The following FAM204A variants were observed in gnomAD, a reference collection of about 807,000 sequenced individuals.
The protein encoded by FAM204A is family with sequence similarity 204 member A.
In FAM204A, 16 loss-of-function variants were observed where a neutral mutation model predicts 35.4. The observed-to-expected ratio is 0.45, with a 90% CI of 0.31 to 0.69. FAM204A has a LOEUF of 0.69. Among genes scored for constraint, FAM204A ranks in the 30% least tolerant of loss-of-function variants. The probability of loss-of-function intolerance (pLI) is 0.07; values close to 1 mark genes in which losing one functional copy is unlikely to be tolerated. For missense variants in FAM204A, 240 were observed against 265.7 expected (o/e 0.90, Z 0.67); for synonymous variants, 76 against 86.9 (o/e 0.88, Z 0.70).
Position 118,310,535 on chromosome 10 carries a change from T to C in FAM204A, c.*322A>G, listed in dbSNP as rs1251828435. 3.7e-6 allele frequency: 1 copy of C among 269,298 alleles called. No homozygotes were observed. 16.7% of individuals were successfully genotyped at this position (269,298 alleles called of 1,614,324 possible). ...GAAAGTACGAGAAGCTCACTGGCTG[T>C]GCTAAACCAAATGAATGGAAAGCGC... On this transcript the variant is annotated 3_prime_UTR_variant, in exon 9 of 9. Coordinates refer to ENST00000369183, the MANE Select transcript of FAM204A (RefSeq NM_022063.3).
chr10:118,320,214 TAA>T (rs1184570973), intron 7 of FAM204A, among the ~76,000 whole-genome samples: 1 of 151,418 alleles, frequency 6.6e-6, no homozygotes, highest in Non-Finnish European at 1.5e-5. Flanking sequence ...ACCTGTATTT[TAA>T]AATCCAAAAA....
intron 6 of FAM204A, among the ~76,000 whole-genome samples, chr10:118,326,721 C>T (rs1269316907): frequency 6.6e-6 from 1 of 152,180 alleles, no homozygotes; most frequent in Non-Finnish European, 1.5e-5. Context: ...AAAGCCATCA[C>T]ATGAATTCAG....
At chr10:118,336,079 T>C in intron 3 of FAM204A, 103 bp downstream of exon 3, 3 of 1,343,080 alleles carry the variant, frequency 2.2e-6, no homozygotes, top group Non-Finnish European at 3.0e-6. Context: ...TCTCCCTCCC[T>C]GTTAAGTCCC....
At chr10:118,312,414 G>C (rs958026776) in intron 7 of FAM204A, among the ~76,000 whole-genome samples, 1 of 152,174 alleles carries the variant, frequency 6.6e-6, no homozygotes, top group Non-Finnish European at 1.5e-5. Context: ...AGGAGGTTAA[G>C]AGCACACGTG....
intron 6 of FAM204A, among the ~76,000 whole-genome samples, chr10:118,334,233 C>A (rs1356636376): frequency 1.3e-5 from 2 of 152,166 alleles, no homozygotes; most frequent in Admixed American, 1.3e-4. Flanking sequence ...CTAGGTCCCA[C>A]TCTCAATCCT....
In FAM204A at chr10:118,300,404, A is replaced by T. The variant is rs2119758063; in HGVS notation, c.*10453T>A. The T allele has an allele frequency of 6.6e-6, 1 of 152,368 alleles. No homozygotes were observed. The highest frequency in any genetic ancestry group is 1.5e-5 in the Non-Finnish European group (1 of 68,034). 9.4% of individuals were successfully genotyped at this position (152,368 alleles called of 1,614,324 possible). A position where few individuals can be genotyped will look rare whatever the true frequency, so the allele number is the denominator to read the frequency against. On this transcript the variant is annotated 3_prime_UTR_variant, in exon 9 of 9. Transcript: ENST00000369183. ...TTCACTCAAGCCAATTAAATCAACA[A>T]ATATTTACTGAACACCTACCATGTA... is the stretch of plus-strand genomic sequence containing the variant.
At chr10:118,321,898 C>A (rs1846125246) in intron 7 of FAM204A, among the ~76,000 whole-genome samples, 1 of 152,066 alleles carries the variant, frequency 6.6e-6, no homozygotes, top group African/African-American at 2.4e-5. Flanking sequence ...TATGCAACCG[C>A]TGGTGGGCAG....
chr10:118,310,778 A>C lies in FAM204A; in HGVS notation c.*79T>G. On this transcript the variant is annotated 3_prime_UTR_variant, in exon 9 of 9. Transcript: ENST00000369183. ...TTGTTTTAGTGCTATCAATTTTCTG[A>C]CATATTAACATAGGCAGGAAAACAT... 1 of 1,213,182 alleles carries C rather than the reference A, an allele frequency of 8.2e-7. No homozygotes were observed. Among genetic ancestry groups the C allele is most frequent in the Non-Finnish European group, 1.2e-6 (1 of 846,910 alleles). The allele number at this position is 1,213,182 out of a possible 1,614,324, so 75.2% of individuals were successfully genotyped here.
chr10:118,317,673 T>C (rs1221142873), intron 7 of FAM204A, among the ~76,000 whole-genome samples: 1 of 152,004 alleles, frequency 6.6e-6, no homozygotes. Flanking sequence ...TTAAACTAGA[T>C]GTAAAGAAAT....
chr10:118,326,220 GTCTATCC>G lies in FAM204A; in HGVS notation c.470_476del (p.Arg157ThrfsTer19). 1 of 1,613,376 alleles carries G rather than the reference GTCTATCC, an allele frequency of 6.2e-7. No homozygotes were observed. Among genetic ancestry groups the G allele is most frequent in the South Asian group, 1.1e-5 (1 of 90,964 alleles). ...CAATATTCCACTCCTCCACAGCCTG[GTCTATCC>G]TCTTTTCAAGGCCTGACTAGAAAAA... On this transcript the variant is annotated frameshift_variant, in exon 7 of 9. Coordinates refer to ENST00000369183, the MANE Select transcript of FAM204A (RefSeq NM_022063.3). LOFTEE classifies it high-confidence loss of function.
chr10:118,331,481 T>C (rs1433979954), intron 6 of FAM204A, among the ~76,000 whole-genome samples: 1 of 152,224 alleles, frequency 6.6e-6, no homozygotes, highest in Non-Finnish European at 1.5e-5. Flanking sequence ...AGTTTTAATA[T>C]AGATGTCAAG....
intron 6 of FAM204A, among the ~76,000 whole-genome samples, chr10:118,326,640 T>C (rs1426967115): frequency 1.3e-5 from 2 of 152,178 alleles, no homozygotes; most frequent in Non-Finnish European, 2.9e-5. Flanking sequence ...AATAATGCTA[T>C]CCTGTTTTAA....
At chr10:118,333,503 T>C (rs1358624470) in intron 6 of FAM204A, among the ~76,000 whole-genome samples, 1 of 152,200 alleles carries the variant, frequency 6.6e-6, no homozygotes, top group African/African-American at 2.4e-5. Flanking sequence ...GTAGAAACTT[T>C]AGGAGGACAG....
At position 118,308,065 on chromosome 10, in the gene FAM204A, A is replaced by G. The variant is rs1218435455; in HGVS notation, c.*2792T>C. On this transcript the variant is annotated 3_prime_UTR_variant, in exon 9 of 9. Coordinates refer to ENST00000369183, the MANE Select transcript of FAM204A (RefSeq NM_022063.3). ...TAGAATGTTCTGCTGAAAATCAGAA[A>G]CATCCTGAGGGCTCCCAAACAAGAA... 1 of 152,218 alleles carries G rather than the reference A, an allele frequency of 6.6e-6. No individual in the cohort carries two copies. Among genetic ancestry groups the G allele is most frequent in the Admixed American group, 6.5e-5 (1 of 15,276 alleles). 9.4% of individuals were successfully genotyped at this position (152,218 alleles called of 1,614,324 possible).
Position 118,302,893 on chromosome 10 carries a change from T to C in FAM204A, c.*7964A>G, listed in dbSNP as rs946526957. ...AGAAGCGGGTGCTGCTCCAAGACAA[T>C]GAGTCTTCTTTGTATGCACTAATTA... On this transcript the variant is annotated 3_prime_UTR_variant, in exon 9 of 9. Coordinates refer to ENST00000369183, the MANE Select transcript of FAM204A (RefSeq NM_022063.3). 1 of 152,200 alleles carries C rather than the reference T, an allele frequency of 6.6e-6. No homozygotes were observed. Among genetic ancestry groups the C allele is most frequent in the African/African-American group, 2.4e-5 (1 of 41,450 alleles). 9.4% of individuals were successfully genotyped at this position (152,200 alleles called of 1,614,324 possible). A position where few individuals can be genotyped will look rare whatever the true frequency, so the allele number is the denominator to read the frequency against.
chr10:118,312,294 T>G (rs1444138305), intron 7 of FAM204A, among the ~76,000 whole-genome samples: 1 of 152,192 alleles, frequency 6.6e-6, no homozygotes, highest in Non-Finnish European at 1.5e-5. Context: ...TGATGCATAT[T>G]AGTAGACAGG....
intron 7 of FAM204A, chr10:118,322,299 C>A (rs1846130407): frequency 2.2e-6 from 1 of 455,238 alleles, no homozygotes; most frequent in Non-Finnish European, 4.4e-6. Flanking sequence ...AATCTGGAGA[C>A]ACTACCTGAA....
intron 6 of FAM204A, among the ~76,000 whole-genome samples, chr10:118,327,446 T>C (rs1415038689): frequency 1.3e-5 from 2 of 152,194 alleles, no homozygotes; most frequent in Non-Finnish European, 2.9e-5. Flanking sequence ...CAACAGACTT[T>C]TCTGCTTGCT....
In FAM204A at chr10:118,335,198, A is replaced by G. The variant is rs1231081206; in HGVS notation, c.369T>C (p.Asn123=). ...EKELHSEPSS[N]ETQWKELTQY... is the part of the protein sequence containing the mutation. ...GAGTAAGCTCTTTCCACTGGGTTTC[A>G]TTTGAGGACGGTTCACTAAAAGAAG... Residue 123 remains asparagine, a synonymous_variant, in exon 6 of 9, where the codon AAT becomes AAC. Coordinates refer to ENST00000369183, the MANE Select transcript of FAM204A (RefSeq NM_022063.3). The G allele has an allele frequency of 1.2e-6, 2 of 1,613,190 alleles. No individual in the cohort carries two copies. The highest frequency in any genetic ancestry group is 1.7e-6 in the Non-Finnish European group (2 of 1,179,650).
Sources: gnomAD v4.1 joint callset for allele counts (sites outside exome capture counted in the v4.1 genomes callset) on GRCh38, gnomAD v4.1.1 for gene constraint, MANE v1.5 for transcripts, NCBI Gene and HGNC (gene_info 2026-07-23, HGNC 2026-07-21) for gene names.